PTPRD: variants seen among roughly 807,000 people sequenced by gnomAD.
PTPRD encodes the protein protein tyrosine phosphatase receptor type D, also known as receptor-type tyrosine-protein phosphatase delta.
In PTPRD, 34 loss-of-function variants were observed where a neutral mutation model predicts 214.5. The observed-to-expected ratio is 0.16, with a 90% CI of 0.12 to 0.21. PTPRD has a LOEUF of 0.21. Among genes scored for constraint, PTPRD ranks in the 10% least tolerant of loss-of-function variants. The pLI, the probability that PTPRD is intolerant of heterozygous loss-of-function variation, is 1.00. For missense variants in PTPRD, 2,545 were observed against 2,398.7 expected (o/e 1.06, Z -1.27); for synonymous variants, 1,128 against 845.7 (o/e 1.33, Z -5.79).
chr9:9,076,390 G>C (rs569295060), intron 10 of PTPRD, among the ~76,000 whole-genome samples: 3 of 151,726 alleles, frequency 2.0e-5, no homozygotes, highest in Non-Finnish European at 4.4e-5. Context: ...AAGCTCTTTA[G>C]TTTAATTAGT....
intron 12 of PTPRD, among the ~76,000 whole-genome samples, chr9:8,669,266 A>G (rs1311437078): frequency 6.6e-6 from 1 of 152,078 alleles, no homozygotes; most frequent in Admixed American, 6.6e-5. Flanking sequence ...GGAATATGGC[A>G]TCTTATCTGT....
chr9:8,594,862 T>C (rs138895595), intron 14 of PTPRD, among the ~76,000 whole-genome samples: 22,931 of 135,792 alleles, frequency 0.17, 1,690 homozygotes, highest in South Asian at 0.27. Context: ...TTTAACCCCT[T>C]TTTTTTTTTT....
chr9:9,528,808 A>AT (rs1369653801), intron 8 of PTPRD, among the ~76,000 whole-genome samples: 1 of 151,156 alleles, frequency 6.6e-6, no homozygotes, highest in Admixed American at 6.6e-5. Flanking sequence ...AGACATCTTT[A>AT]TAGTACTGTG....
chr9:9,172,961 T>C (rs531548275), intron 10 of PTPRD, among the ~76,000 whole-genome samples: 3 of 152,288 alleles, frequency 2.0e-5, no homozygotes, highest in South Asian at 2.1e-4. Flanking sequence ...TTCAGAATGT[T>C]CAATGAGAGA....
intron 3 of PTPRD, among the ~76,000 whole-genome samples, chr9:10,178,122 C>T (rs1372885915): frequency 1.3e-5 from 2 of 151,866 alleles, no homozygotes; most frequent in Admixed American, 6.6e-5. Flanking sequence ...ACTGGTTGTC[C>T]ACCAGAATGA....
intron 9 of PTPRD, among the ~76,000 whole-genome samples, chr9:9,254,997 T>G (rs571401210): frequency 7.2e-5 from 11 of 152,062 alleles, no homozygotes; most frequent in Non-Finnish European, 1.6e-4. Context: ...TCTTTCATCA[T>G]TATGCTTCTA....
At chr9:9,870,806 G>C (rs2065217101) in intron 5 of PTPRD, among the ~76,000 whole-genome samples, 1 of 152,074 alleles carries the variant, frequency 6.6e-6, no homozygotes, top group Non-Finnish European at 1.5e-5. Flanking sequence ...TAAAGGGAAA[G>C]AGAAGGTAGG....
chr9:8,527,546 A>G (rs1016072196), intron 15 of PTPRD, among the ~76,000 whole-genome samples, 193 bp from the exon 16 acceptor site: 1 of 152,086 alleles, frequency 6.6e-6, no homozygotes, highest in African/African-American at 2.4e-5. Context: ...CAAAAGAGGC[A>G]GTTAACAAGA....
chr9:9,242,793 C>T (rs1280032158), intron 9 of PTPRD, among the ~76,000 whole-genome samples: 1 of 152,108 alleles, frequency 6.6e-6, no homozygotes, highest in Non-Finnish European at 1.5e-5. Context: ...CAAACTCCTC[C>T]CTTAGCTCTG....
chr9:8,744,028 G>C (rs556944851), intron 11 of PTPRD, among the ~76,000 whole-genome samples: 1 of 151,876 alleles, frequency 6.6e-6, no homozygotes, highest in East Asian at 1.9e-4. Context: ...CAAGCATATG[G>C]AAAAACGCTC....
At chr9:9,883,411 G>C (rs930628231) in intron 5 of PTPRD, among the ~76,000 whole-genome samples, 2 of 152,048 alleles carry the variant, frequency 1.3e-5, no homozygotes, top group Admixed American at 6.6e-5. Context: ...ACATTCAAAA[G>C]AATAGAGAAT....
intron 9 of PTPRD, among the ~76,000 whole-genome samples, chr9:9,198,663 T>A (rs1334275858): frequency 6.6e-6 from 1 of 152,110 alleles, no homozygotes; most frequent in African/African-American, 2.4e-5. Flanking sequence ...AACTTAGGAG[T>A]TAGTTTTAAA....
At chr9:8,647,906 C>T (rs956316376) in intron 12 of PTPRD, among the ~76,000 whole-genome samples, 1 of 152,152 alleles carries the variant, frequency 6.6e-6, no homozygotes, top group Non-Finnish European at 1.5e-5. Flanking sequence ...ACCATTAGCA[C>T]AGCTGACCAA....
chr9:8,907,090 A>C (rs1225104148), intron 11 of PTPRD, among the ~76,000 whole-genome samples: 1 of 152,138 alleles, frequency 6.6e-6, no homozygotes, highest in African/African-American at 2.4e-5. Context: ...CATGCTAGCA[A>C]CTGCATACTA....
In PTPRD at chr9:8,340,712, AG is replaced by A. The variant is rs537925212; in HGVS notation, c.5127-244del. On this transcript the variant is annotated intron_variant, in intron 41 of 45. Transcript: ENST00000381196. ...TCTTTATCATTATTATTTGAATTTTAGCGCAATGCTAATAGCTCAATTTCAT... is the reference window on the plus strand; with the variant it reads ...TCTTTATCATTATTATTTGAATTTTACGCAATGCTAATAGCTCAATTTCAT... 1.1e-4 allele frequency among the ~76,000 whole-genome samples: 16 copies of A among 152,208 alleles called. No individual in the cohort carries two copies. In the South Asian group the frequency reaches 3.3e-3, roughly 32 times the overall value.
chr9:9,658,781 G>C (rs559879852), intron 7 of PTPRD, among the ~76,000 whole-genome samples: 1 of 152,020 alleles, frequency 6.6e-6, no homozygotes, highest in Non-Finnish European at 1.5e-5. Context: ...ATCTTATTCC[G>C]TGTTAGGTAC....
chr9:10,551,398 G>A (rs1184332005), intron 2 of PTPRD, among the ~76,000 whole-genome samples: 1 of 152,040 alleles, frequency 6.6e-6, no homozygotes, highest in South Asian at 2.1e-4. Flanking sequence ...TGTTCCTTGT[G>A]CTATGGTTTG....
intron 7 of PTPRD, among the ~76,000 whole-genome samples, chr9:9,619,842 T>C (rs1252100264): frequency 6.8e-6 from 1 of 147,866 alleles, no homozygotes; most frequent in African/African-American, 2.5e-5. Flanking sequence ...ATATGTTAGC[T>C]TTTTATTTCT....
At chr9:8,604,618 C>T (rs1165357188) in intron 14 of PTPRD, among the ~76,000 whole-genome samples, 1 of 152,088 alleles carries the variant, frequency 6.6e-6, no homozygotes, top group Admixed American at 6.5e-5. Context: ...TTGCAAAAAT[C>T]CCCAAAGCAA....
Sources: allele counts gnomAD v4.1 joint callset (sites outside exome capture counted in the v4.1 genomes callset), GRCh38; gene constraint gnomAD v4.1.1; transcripts MANE v1.5; gene names NCBI Gene and HGNC (gene_info 2026-07-23, HGNC 2026-07-21).